MYCBP2: variants seen among roughly 807,000 people sequenced by gnomAD.
MYCBP2 encodes the protein MYC binding protein 2, also known as E3 ubiquitin-protein ligase MYCBP2.
In MYCBP2, 120 loss-of-function variants were observed where a neutral mutation model predicts 525.3. The ratio of observed to expected loss-of-function variants is 0.23; its 90% confidence interval spans 0.20 to 0.27. The LOEUF (loss-of-function observed/expected upper bound fraction) is 0.27, where lower values mean the gene tolerates loss of function less well. Ranked by LOEUF, MYCBP2 falls within the 10% of genes least tolerant of loss-of-function variation. The pLI is 1.00. For missense variants in MYCBP2, 4,149 were observed against 5,657.1 expected (o/e 0.73, Z 8.55); for synonymous variants, 1,894 against 1,955.8 (o/e 0.97, Z 0.83).
At chr13:77,107,220 C>G (rs1354056337) in intron 55 of MYCBP2, among the ~76,000 whole-genome samples, 1 of 152,038 alleles carries the variant, frequency 6.6e-6, no homozygotes, top group Non-Finnish European at 1.5e-5. Context: ...CTACAAGAAA[C>G]AGTAAATAGG....
At chr13:77,322,497 T>C (rs2081791493) in intron 1 of MYCBP2, among the ~76,000 whole-genome samples, 1 of 152,188 alleles carries the variant, frequency 6.6e-6, no homozygotes. Flanking sequence ...TCAACTCAAC[T>C]AGGTTTTCTC....
chr13:77,104,194 T>C (rs2047506068), intron 55 of MYCBP2, among the ~76,000 whole-genome samples: 1 of 152,116 alleles, frequency 6.6e-6, no homozygotes, highest in Non-Finnish European at 1.5e-5. Context: ...ATAGTTGTCT[T>C]AGTATTATTG....
Position 77,118,921 on chromosome 13 carries a change from T to A in MYCBP2, c.8140+2452A>T, listed in dbSNP as rs186375513. Among the ~76,000 whole-genome samples, 36 of 152,326 alleles carry A rather than the reference T, an allele frequency of 2.4e-4. No individual in the cohort carries two copies. The East Asian group carries it at 6.6e-3, about 28-fold the overall frequency. On this transcript the variant is annotated intron_variant, in intron 55 of 82. Transcript: ENST00000544440. ...CCTGCCTCATCGGCAGTATATTTCA[T>A]GCAGAAAATAAGCAATTAACAGTTT...
chr13:77,241,405 T>C (rs2068795437), intron 17 of MYCBP2, among the ~76,000 whole-genome samples: 2 of 152,150 alleles, frequency 1.3e-5, no homozygotes, highest in Non-Finnish European at 1.5e-5. Flanking sequence ...ATGTAAGAAA[T>C]AGCTGCATTT....
chr13:77,144,075 C>A, intron 49 of MYCBP2: 1 of 216,324 alleles, frequency 4.6e-6, no homozygotes, highest in African/African-American at 2.3e-5. Context: ...CATTATGTGC[C>A]AGGCACTGAG....
chr13:77,318,615 G>A (rs942014175), intron 1 of MYCBP2, among the ~76,000 whole-genome samples: 1 of 152,232 alleles, frequency 6.6e-6, no homozygotes, highest in African/African-American at 2.4e-5. Context: ...TCAGCCGAGT[G>A]TGGTGGGACA....
In MYCBP2 at chr13:77,185,220, A is replaced by G; in HGVS notation, c.4602T>C (p.Leu1534=). Residue 1534 remains leucine, a synonymous_variant, in exon 32 of 83, where the codon CTT becomes CTC. Transcript: ENST00000544440. The part of the protein sequence containing the change: ...PQGYLSQPLS[L]LEAVLQECHN... ...GACATTCCTGAAGGACAGCTTCTAG[A>G]AGACTCAAGGGTTGACTGAGATATC... 1.9e-6 allele frequency: 3 copies of G among 1,614,152 alleles called. No homozygotes were observed. Among genetic ancestry groups the G allele is most frequent in the Non-Finnish European group, 2.5e-6 (3 of 1,180,014 alleles).
chr13:77,179,595 C>G (rs545864880), intron 34 of MYCBP2, among the ~76,000 whole-genome samples: 1 of 152,066 alleles, frequency 6.6e-6, no homozygotes, highest in Non-Finnish European at 1.5e-5. Flanking sequence ...GAACTGTACA[C>G]GTAAAAATGA....
intron 55 of MYCBP2, among the ~76,000 whole-genome samples, chr13:77,119,202 C>A (rs1008427971): frequency 1.3e-5 from 2 of 151,974 alleles, no homozygotes; most frequent in Admixed American, 6.6e-5. Context: ...AAAGGTTTTA[C>A]AAAAATTTTT....
chr13:77,211,355 T>C lies in MYCBP2; in HGVS notation c.3263-35A>G, dbSNP rs1391687347. On this transcript the variant is annotated intron_variant, in intron 22 of 82. Coordinates refer to ENST00000544440, the MANE Select transcript of MYCBP2 (RefSeq NM_015057.5). ...AAAATATTTATATATAATTTTAATA[T>C]ATATTACCCTTTTAAATTCTCCAAA... The C allele has an allele frequency of 3.7e-6, 4 of 1,084,542 alleles. No individual in the cohort carries two copies. The Admixed American group carries it at 1.7e-4, about 45-fold the overall frequency. The allele number at this position is 1,084,542 out of a possible 1,614,324, so 67.2% of individuals were successfully genotyped here. A position where few individuals can be genotyped will look rare whatever the true frequency, so the allele number is the denominator to read the frequency against.
At chr13:77,104,435 G>A (rs867193330) in intron 55 of MYCBP2, among the ~76,000 whole-genome samples, 3 of 152,034 alleles carry the variant, frequency 2.0e-5, no homozygotes, top group Admixed American at 6.6e-5. Flanking sequence ...AGGAGAGAGG[G>A]AATGAACAAA....
chr13:77,150,601 G>T (rs762987930), intron 47 of MYCBP2, 133 bp downstream of exon 47: 27 of 706,342 alleles, frequency 3.8e-5, no homozygotes, highest in Non-Finnish European at 6.1e-5. Flanking sequence ...CTTAATAAGT[G>T]TTGCTGCAAA....
chr13:77,194,333 T>C, intron 26 of MYCBP2, 89 bp from the exon 27 acceptor site: 1 of 893,326 alleles, frequency 1.1e-6, no homozygotes, highest in South Asian at 1.6e-5. Context: ...ATGATGAATG[T>C]ATGCTGGACC....
intron 82 of MYCBP2, among the ~76,000 whole-genome samples, chr13:77,046,118 G>T (rs562390951): frequency 5.3e-5 from 8 of 152,220 alleles, no homozygotes; most frequent in Non-Finnish European, 1.2e-4. Context: ...GGGAAGATAT[G>T]AATTTGTTGA....
rs367974168 is a variant in MYCBP2, at chr13:77,210,393, T to G, written c.3416+774A>C. Among the ~76,000 whole-genome samples the G allele has an allele frequency of 7.2e-5, 11 of 152,026 alleles. No homozygotes were observed. In the South Asian group the frequency reaches 8.3e-4, roughly 11 times the overall value. The stretch of plus-strand genomic sequence containing the variant: ...ATTTTTAGTAGAGACAGGGTTTCAC[T>G]GTGTTAGCCAGGATGGTCTCGATCT... On this transcript the variant is annotated intron_variant, in intron 23 of 82. Transcript: ENST00000544440.
intron 1 of MYCBP2, among the ~76,000 whole-genome samples, chr13:77,303,160 C>A (rs1028277069): frequency 6.6e-6 from 1 of 152,316 alleles, no homozygotes; most frequent in Non-Finnish European, 1.5e-5. Context: ...TGGTGAAATA[C>A]CGTCTCTACT....
intron 40 of MYCBP2, 77 bp downstream of exon 40, chr13:77,168,351 C>G (rs753984831): frequency 6.6e-6 from 8 of 1,211,144 alleles, no homozygotes; most frequent in Non-Finnish European, 9.6e-6. Context: ...AAATACAGGC[C>G]AGGCATTCTT....
intron 1 of MYCBP2, among the ~76,000 whole-genome samples, chr13:77,303,378 T>G (rs2079024810): frequency 6.6e-6 from 1 of 152,192 alleles, no homozygotes; most frequent in Admixed American, 6.5e-5. Context: ...CTGACCTAAT[T>G]GGCATACATA....
intron 26 of MYCBP2, among the ~76,000 whole-genome samples, chr13:77,199,314 G>C (rs889416136): frequency 6.6e-6 from 1 of 152,252 alleles, no homozygotes; most frequent in African/African-American, 2.4e-5. Context: ...ACTCCCACCT[G>C]AATACTGCAC....
Sources: gnomAD v4.1 joint callset for allele counts (sites outside exome capture counted in the v4.1 genomes callset) on GRCh38, gnomAD v4.1.1 for gene constraint, MANE v1.5 for transcripts, NCBI Gene and HGNC (gene_info 2026-07-23, HGNC 2026-07-21) for gene names.